STRN3: variants seen among roughly 807,000 people sequenced by gnomAD.
STRN3 encodes striatin-3.
STRN3 carries 29 observed loss-of-function variants against 95.6 expected under a neutral mutation model. The ratio of observed to expected loss-of-function variants is 0.30; its 90% CI spans 0.23 to 0.41. The LOEUF (loss-of-function observed/expected upper bound fraction) is 0.41. STRN3 is among the 10% of genes least tolerant of loss of function. The pLI, the probability that STRN3 is intolerant of heterozygous loss-of-function variation, is 1.00. For missense variants in STRN3, 890 were observed against 972.1 expected, an observed-to-expected ratio of 0.92 and a Z score of 1.12; for synonymous variants, 331 against 357.6, an observed-to-expected ratio of 0.93 and a Z score of 0.84.
rs751329184 is a variant in STRN3 at position 30,919,054 on chromosome 14, CTCA to C, written c.1149_1151del (p.Asp383del). ...TGATTCCTGAAGGGATGTGGGGCAGCTCATCATCTCCCAGATCAGCTATCATGT... is the reference window on the plus strand; with the variant it reads ...TGATTCCTGAAGGGATGTGGGGCAGCTCATCTCCCAGATCAGCTATCATGT... On this transcript the variant is annotated inframe_deletion, in exon 9 of 18. Coordinates refer to ENST00000357479, the MANE Select transcript of STRN3 (RefSeq NM_001083893.2). 6.2e-7 allele frequency: 1 copy of C among 1,611,660 alleles called. No individual in the cohort carries two copies. Among genetic ancestry groups the C allele is most frequent in the African/African-American group, 1.3e-5 (1 of 74,876 alleles).
intron 1 of STRN3, among the ~76,000 whole-genome samples, chr14:31,008,286 G>A (rs1276267612): frequency 6.6e-6 from 1 of 151,968 alleles, no homozygotes; most frequent in Non-Finnish European, 1.5e-5. Context: ...GAGGCAGGTG[G>A]ATCGCTTGAG....
chr14:30,985,929 AC>A (rs1045317371), intron 1 of STRN3, among the ~76,000 whole-genome samples: 69 of 151,306 alleles, frequency 4.6e-4, no homozygotes, highest in Non-Finnish European at 2.4e-4. Context: ...TCTCCCACAC[AC>A]CCCCCTCAGC....
At chr14:30,930,255 G>A (rs1878463929) in intron 7 of STRN3, among the ~76,000 whole-genome samples, 2 of 151,998 alleles carry the variant, frequency 1.3e-5, no homozygotes, top group East Asian at 1.9e-4. Context: ...TCCTTCCTTT[G>A]TGTGGTTTTA....
chr14:30,911,069 A>C lies in STRN3; in HGVS notation c.1692T>G (p.Ser564Arg), dbSNP rs779358536. 4.3e-5 allele frequency: 70 copies of C among 1,613,892 alleles called. No homozygotes were observed. Among genetic ancestry groups the C allele is most frequent in the Non-Finnish European group, 5.7e-5 (67 of 1,179,984 alleles). Residue 564 changes from serine to arginine, a missense_variant, in exon 13 of 18, where the codon AGT (serine) becomes AGG (arginine). By Grantham distance (110) the Ser-to-Arg change is moderately radical. Transcript: ENST00000357479. ...ATGTATCATATGGATCTACACTGGGACTCGGCATATTCCACCACTGGATGG... is the reference window on the plus strand; with the variant it reads ...ATGTATCATATGGATCTACACTGGGCCTCGGCATATTCCACCACTGGATGG... ...DATIQWWNMP[S>R]PSVDPYDTYE... is the part of the protein sequence containing the mutation.
At chr14:30,916,144 T>C (rs1252209156) in intron 9 of STRN3, among the ~76,000 whole-genome samples, 2 of 152,198 alleles carry the variant, frequency 1.3e-5, no homozygotes, top group African/African-American at 4.8e-5. Context: ...GCTACTCATC[T>C]GTTTGCCCTT....
Position 30,982,916 on chromosome 14 carries a change from T to C in STRN3, c.283-26674A>G, listed in dbSNP as rs373738944. The stretch of plus-strand genomic sequence containing the variant: ...GCCTCAGCATCACACAATTTACCCA[T>C]GTAATAATAAACCTACACATGTACC... On this transcript the variant is annotated intron_variant, in intron 1 of 17. Coordinates refer to ENST00000357479, the MANE Select transcript of STRN3 (RefSeq NM_001083893.2). Among the ~76,000 whole-genome samples the C allele has an allele frequency of 2.6e-4, 39 of 152,250 alleles. No homozygotes were observed. In the East Asian group the frequency reaches 3.9e-3, roughly 15 times the overall value.
intron 1 of STRN3, among the ~76,000 whole-genome samples, chr14:30,967,800 C>G (rs1171602193): frequency 6.6e-6 from 1 of 152,208 alleles, no homozygotes; most frequent in Admixed American, 6.5e-5. Context: ...TCATTAACCA[C>G]TGAAAATTCC....
intron 1 of STRN3, among the ~76,000 whole-genome samples, chr14:30,986,516 A>G (rs1343992573): frequency 1.3e-5 from 2 of 152,232 alleles, no homozygotes; most frequent in African/African-American, 4.8e-5. Context: ...CCTAAAAGGT[A>G]ATAAACCTTT....
chr14:30,963,881 G>T (rs188765164), intron 1 of STRN3, among the ~76,000 whole-genome samples: 9 of 152,210 alleles, frequency 5.9e-5, no homozygotes, highest in Middle Eastern at 6.8e-3. Flanking sequence ...AACAAACACA[G>T]GACATACCAA....
intron 1 of STRN3, among the ~76,000 whole-genome samples, chr14:30,993,310 G>C (rs1882051442): frequency 6.7e-6 from 1 of 150,042 alleles, no homozygotes; most frequent in African/African-American, 2.4e-5. Context: ...CCTGACTTCA[G>C]TAAGTACTGG....
intron 1 of STRN3, among the ~76,000 whole-genome samples, chr14:30,965,552 G>A (rs1880444239): frequency 6.6e-6 from 1 of 152,008 alleles, no homozygotes; most frequent in Non-Finnish European, 1.5e-5. Flanking sequence ...AGGAGCGATG[G>A]CTCACGCCTG....
chr14:30,926,129 T>C (rs983377406), intron 8 of STRN3, among the ~76,000 whole-genome samples: 1 of 152,234 alleles, frequency 6.6e-6, no homozygotes, highest in African/African-American at 2.4e-5. Flanking sequence ...TGAAAAGTTT[T>C]CAATTTATAA....
intron 7 of STRN3, among the ~76,000 whole-genome samples, chr14:30,932,863 A>T (rs537405805): frequency 1.1e-4 from 16 of 152,196 alleles, no homozygotes; most frequent in Non-Finnish European, 2.4e-4. Flanking sequence ...AGCTAAAAAG[A>T]TATTTGATAA....
At chr14:31,001,985 A>C (rs201335422) in intron 1 of STRN3, among the ~76,000 whole-genome samples, 16 of 151,430 alleles carry the variant, frequency 1.1e-4, no homozygotes, top group Non-Finnish European at 2.9e-5. Flanking sequence ...ACCAACATGG[A>C]GAAACCCCAT....
intron 1 of STRN3, among the ~76,000 whole-genome samples, chr14:30,977,794 GAAAAA>G (rs869303485): frequency 9.1e-6 from 1 of 109,926 alleles, no homozygotes; most frequent in Non-Finnish European, 1.7e-5. Flanking sequence ...ACTCTATCTC[GAAAAA>G]AAAAAAAAAA....
chr14:30,992,778 C>CTTACA (rs1392975974), intron 1 of STRN3, among the ~76,000 whole-genome samples: 55 of 152,178 alleles, frequency 3.6e-4, no homozygotes, highest in African/African-American at 1.3e-3. Context: ...CTTTGGGAGG[C>CTTACA]CAAGGCGGTA....
intron 1 of STRN3, among the ~76,000 whole-genome samples, chr14:31,015,090 A>G (rs543355054): frequency 3.2e-4 from 48 of 152,198 alleles, no homozygotes; most frequent in Admixed American, 9.8e-4. Context: ...TGGCCTCCCA[A>G]AGTGCTGGGA....
intron 1 of STRN3, among the ~76,000 whole-genome samples, chr14:30,985,301 TCCG>T (rs2139240773): frequency 1.7e-5 from 1 of 58,620 alleles, no homozygotes; most frequent in East Asian, 4.2e-4. Context: ...AGAGTAAAAC[TCCG>T]CCAAAAAAAA....
chr14:30,913,337 A>T (rs2138994558), intron 10 of STRN3, among the ~76,000 whole-genome samples, 187 bp downstream of exon 10: 1 of 147,558 alleles, frequency 6.8e-6, no homozygotes, highest in African/African-American at 2.6e-5. Context: ...CAAAATACCT[A>T]AAAAAAAAAT....
Sources: gnomAD v4.1 joint callset for allele counts (sites outside exome capture counted in the v4.1 genomes callset) on GRCh38, gnomAD v4.1.1 for gene constraint, MANE v1.5 for transcripts, NCBI Gene and HGNC (gene_info 2026-07-23, HGNC 2026-07-21) for gene names.